EDIL3: variants seen among roughly 807,000 people sequenced by gnomAD.
The protein encoded by EDIL3 is EGF-like repeat and discoidin I-like domain-containing protein 3.
EDIL3 carries 37 observed loss-of-function variants against 67.4 expected under a neutral mutation model. That is an observed-to-expected ratio of 0.55 (90% confidence interval 0.42 to 0.72). EDIL3 has a LOEUF of 0.72. EDIL3 is among the 30% of genes least tolerant of loss of function. EDIL3 has a pLI of 0.00. For synonymous variants in EDIL3, 195 were observed against 196.3 expected (o/e 0.99, Z 0.05); for missense variants, 527 against 586.3 (o/e 0.90, Z 1.04).
At chr5:83,979,039 A>G (rs1252983906) in intron 9 of EDIL3, among the ~76,000 whole-genome samples, 1 of 152,150 alleles carries the variant, frequency 6.6e-6, no homozygotes, top group Non-Finnish European at 1.5e-5. Context: ...ATATTCTTAC[A>G]AAAGTCCTAA....
chr5:84,227,694 T>G (rs1373412443), intron 3 of EDIL3, among the ~76,000 whole-genome samples: 1 of 152,070 alleles, frequency 6.6e-6, no homozygotes, highest in African/African-American at 2.4e-5. Flanking sequence ...TAATGGTGGA[T>G]TGGATAAAGA....
intron 9 of EDIL3, among the ~76,000 whole-genome samples, chr5:84,019,051 G>A (rs536795399): frequency 1.3e-5 from 2 of 152,040 alleles, no homozygotes; most frequent in Admixed American, 6.6e-5. Context: ...CTGGGTATAT[G>A]CCCAAAGGAT....
chr5:84,291,790 TAC>T (rs1745928179), intron 1 of EDIL3, among the ~76,000 whole-genome samples: 1 of 146,920 alleles, frequency 6.8e-6, no homozygotes, highest in African/African-American at 2.5e-5. Context: ...TACAGATATA[TAC>T]ACACACATAT....
At chr5:84,355,794 C>T (rs1747468149) in intron 1 of EDIL3, among the ~76,000 whole-genome samples, 1 of 152,194 alleles carries the variant, frequency 6.6e-6, no homozygotes, top group African/African-American at 2.4e-5. Context: ...CAGTCTGTCC[C>T]TTTGCAGAGC....
At chr5:83,990,719 A>C (rs1413888807) in intron 9 of EDIL3, among the ~76,000 whole-genome samples, 3 of 151,780 alleles carry the variant, frequency 2.0e-5, no homozygotes, top group Non-Finnish European at 2.9e-5. Context: ...ATCTCTACTG[A>C]AAATACGAAA....
chr5:84,142,260 G>A (rs1472781247), intron 4 of EDIL3, among the ~76,000 whole-genome samples: 2 of 151,944 alleles, frequency 1.3e-5, no homozygotes, highest in Admixed American at 1.3e-4. Flanking sequence ...CAGAAACTGT[G>A]TGGCTTCTTC....
chr5:84,245,165 C>T (rs1373961), intron 2 of EDIL3, among the ~76,000 whole-genome samples: 117,200 of 152,084 alleles, frequency 0.77, 45,250 homozygotes, highest in East Asian at 0.95. Flanking sequence ...TCTTTATATA[C>T]GCCTAGTTCT....
intron 1 of EDIL3, among the ~76,000 whole-genome samples, chr5:84,340,534 CTATA>C (rs776456328): frequency 0.083 from 4,472 of 53,844 alleles, 192 homozygotes; most frequent in Non-Finnish European, 0.11. Context: ...CTCTCTCTCT[CTATA>C]TATATATATA....
intron 9 of EDIL3, among the ~76,000 whole-genome samples, chr5:83,978,961 A>C (rs1580262416): frequency 2.0e-5 from 3 of 152,256 alleles, no homozygotes; most frequent in Middle Eastern, 6.8e-3. Flanking sequence ...ACTATATTAA[A>C]ATGAAAATTT....
chr5:84,156,621 G>T (rs1265191019), intron 4 of EDIL3, among the ~76,000 whole-genome samples: 1 of 152,138 alleles, frequency 6.6e-6, no homozygotes. Context: ...ATCTTAAAAG[G>T]CTAAGTTTAA....
chr5:83,989,055 A>G (rs193012272), intron 9 of EDIL3, among the ~76,000 whole-genome samples: 1 of 152,206 alleles, frequency 6.6e-6, no homozygotes, highest in Non-Finnish European at 1.5e-5. Flanking sequence ...GCAAAGTTAT[A>G]AAGTAAATTT....
At chr5:84,148,615 A>G (rs1003625714) in intron 4 of EDIL3, among the ~76,000 whole-genome samples, 4 of 152,058 alleles carry the variant, frequency 2.6e-5, no homozygotes, top group Admixed American at 2.6e-4. Flanking sequence ...TCAAGGTGAA[A>G]GAGCTGGGTG....
intron 9 of EDIL3, among the ~76,000 whole-genome samples, chr5:84,030,463 AC>A (rs1373440653): frequency 9.9e-5 from 15 of 151,088 alleles, no homozygotes; most frequent in African/African-American, 3.7e-4. Context: ...TGTCTTGTCT[AC>A]TAAGCAAAGC....
chr5:84,246,202 A>G (rs1476396562), intron 2 of EDIL3, among the ~76,000 whole-genome samples: 1 of 152,232 alleles, frequency 6.6e-6, no homozygotes, highest in Non-Finnish European at 1.5e-5. Flanking sequence ...TTGCATCCGC[A>G]CATTTGTAAA....
chr5:84,206,278 C>T (rs1001849423), intron 3 of EDIL3, among the ~76,000 whole-genome samples: 7 of 152,028 alleles, frequency 4.6e-5, no homozygotes, highest in Admixed American at 2.6e-4. Flanking sequence ...GTCTGAGAGA[C>T]AGTTTGTTAT....
intron 1 of EDIL3, among the ~76,000 whole-genome samples, chr5:84,328,662 A>G (rs138038702): frequency 1.3e-5 from 2 of 152,122 alleles, no homozygotes; most frequent in Non-Finnish European, 2.9e-5. Flanking sequence ...AAAATGGCAA[A>G]TTTCTTCAGT....
At chr5:83,982,672 T>C (rs1345058828) in intron 9 of EDIL3, among the ~76,000 whole-genome samples, 2 of 152,198 alleles carry the variant, frequency 1.3e-5, no homozygotes, top group Non-Finnish European at 2.9e-5. Flanking sequence ...ATAATAATTT[T>C]ATTGAGTGCT....
At chr5:84,249,524 T>A (rs916207445) in intron 2 of EDIL3, among the ~76,000 whole-genome samples, 2 of 152,172 alleles carry the variant, frequency 1.3e-5, no homozygotes, top group South Asian at 2.1e-4. Flanking sequence ...AACAGCAACT[T>A]GTTTATCATT....
At chr5:83,951,090 C>T (rs964128958) in intron 10 of EDIL3, among the ~76,000 whole-genome samples, 3 of 151,716 alleles carry the variant, frequency 2.0e-5, no homozygotes. Context: ...TTTCAAACTG[C>T]TTATTTAACT....
Sources: allele counts gnomAD v4.1 joint callset (sites outside exome capture counted in the v4.1 genomes callset), GRCh38; gene constraint gnomAD v4.1.1; transcripts MANE v1.5; gene names NCBI Gene and HGNC (gene_info 2026-07-23, HGNC 2026-07-21).